Variants in SCHIP1 observed in about 807,000 individuals in gnomAD.
SCHIP1 encodes the protein schwannomin interacting protein 1.
Under a neutral mutation model 29.7 loss-of-function variants are expected in SCHIP1, and 8 were observed. That is an observed-to-expected ratio of 0.27 (90% CI 0.16 to 0.49). SCHIP1 has a LOEUF of 0.49. SCHIP1 is among the 20% of genes least tolerant of loss of function. The probability of loss-of-function intolerance (pLI) is 0.99; values close to 1 mark genes in which losing one functional copy is unlikely to be tolerated. For missense variants in SCHIP1, 193 were observed against 294.6 expected, an observed-to-expected ratio of 0.66 and a Z score of 2.52; for synonymous variants, 76 against 94.9, an observed-to-expected ratio of 0.80 and a Z score of 1.16.
the SCHIP1 span, among the ~76,000 whole-genome samples, chr3:159,715,389 C>T: frequency 0.015 from 2,238 of 152,170 alleles, 22 homozygotes; most frequent in South Asian, 0.042. Context: ...CAAAGCTGGA[C>T]GGAGAATGAC....
At chr3:159,422,866 G>T in the SCHIP1 span, among the ~76,000 whole-genome samples, 3 of 152,170 alleles carry the variant, frequency 2.0e-5, no homozygotes, top group African/African-American at 7.2e-5. Context: ...CATTTGGGCA[G>T]TTTCTAGTGA....
At chr3:159,840,557 T>C (rs1285937417) in intron 1 of SCHIP1, among the ~76,000 whole-genome samples, 1 of 152,238 alleles carries the variant, frequency 6.6e-6, no homozygotes, top group African/African-American at 2.4e-5. Flanking sequence ...TCGATAACAC[T>C]GAAAAACGTG....
At chr3:159,743,218 G>A in the SCHIP1 span, among the ~76,000 whole-genome samples, 1 of 152,234 alleles carries the variant, frequency 6.6e-6, no homozygotes, top group Admixed American at 6.5e-5. Flanking sequence ...GTTTTTCTGA[G>A]TCTGGATTAG....
chr3:159,446,020 G>GTAT, the SCHIP1 span, among the ~76,000 whole-genome samples: 1 of 131,034 alleles, frequency 7.6e-6, no homozygotes. Context: ...AAAACTTAAA[G>GTAT]TATAATAATA....
intron 1 of SCHIP1, among the ~76,000 whole-genome samples, chr3:159,859,759 C>G (rs905490621): frequency 6.6e-5 from 10 of 152,238 alleles, no homozygotes; most frequent in African/African-American, 2.4e-4. Flanking sequence ...CATCTAGCTA[C>G]TTGATCTTCT....
At chr3:159,512,094 A>T in the SCHIP1 span, among the ~76,000 whole-genome samples, 1 of 152,166 alleles carries the variant, frequency 6.6e-6, no homozygotes, top group East Asian at 1.9e-4. Context: ...CCAGAACATA[A>T]AAAGAACTCT....
At chr3:159,627,264 A>G in the SCHIP1 span, among the ~76,000 whole-genome samples, 2 of 152,218 alleles carry the variant, frequency 1.3e-5, no homozygotes, top group African/African-American at 4.8e-5. Flanking sequence ...CCACTATGGT[A>G]GCAGAGAATC....
chr3:159,629,149 A>G, the SCHIP1 span, among the ~76,000 whole-genome samples: 1 of 152,112 alleles, frequency 6.6e-6, no homozygotes, highest in South Asian at 2.1e-4. Context: ...AAAAACACAC[A>G]CACACACACA....
chr3:159,660,696 T>A, the SCHIP1 span, among the ~76,000 whole-genome samples: 2 of 152,222 alleles, frequency 1.3e-5, no homozygotes, highest in Admixed American at 6.5e-5. Context: ...TAGGGCAAGA[T>A]GAAATCTCAG....
the SCHIP1 span, among the ~76,000 whole-genome samples, chr3:159,784,700 C>G: frequency 6.6e-6 from 1 of 152,228 alleles, no homozygotes; most frequent in Non-Finnish European, 1.5e-5. Flanking sequence ...GACGCCCAGG[C>G]TGGAGTGCAG....
At chr3:159,273,955 A>C in the SCHIP1 span, 1 of 1,568,066 alleles carries the variant, frequency 6.4e-7, no homozygotes, top group Non-Finnish European at 8.6e-7. Context: ...GAAAACTTCA[A>C]AGTCGAACTA....
At chr3:159,466,422 A>G in the SCHIP1 span, among the ~76,000 whole-genome samples, 1 of 152,134 alleles carries the variant, frequency 6.6e-6, no homozygotes, top group African/African-American at 2.4e-5. Flanking sequence ...TTGGTTTCCG[A>G]ATGTGTACAA....
chr3:159,871,132 T>A (rs1216889486), intron 2 of SCHIP1, among the ~76,000 whole-genome samples: 1 of 152,124 alleles, frequency 6.6e-6, no homozygotes, highest in Non-Finnish European at 1.5e-5. Flanking sequence ...TGTTTTCCTG[T>A]CCATCATGAC....
intron 1 of SCHIP1, among the ~76,000 whole-genome samples, chr3:159,859,397 A>G (rs1350872714): frequency 6.6e-6 from 1 of 152,172 alleles, no homozygotes; most frequent in Non-Finnish European, 1.5e-5. Flanking sequence ...AGAGCTTCAG[A>G]CTCCTCACAC....
At chr3:159,284,162 G>A in the SCHIP1 span, among the ~76,000 whole-genome samples, 1 of 151,942 alleles carries the variant, frequency 6.6e-6, no homozygotes. Flanking sequence ...TGATAAAACC[G>A]TACAGCCACA....
chr3:159,587,469 A>ATTTT, the SCHIP1 span, among the ~76,000 whole-genome samples: 39 of 151,952 alleles, frequency 2.6e-4, no homozygotes, highest in African/African-American at 8.7e-4. Flanking sequence ...TGAATACATA[A>ATTTT]CTTTTTTATT....
chr3:159,818,370 T>C, the SCHIP1 span, among the ~76,000 whole-genome samples: 1,003 of 152,288 alleles, frequency 6.6e-3, 15 homozygotes, highest in African/African-American at 0.023. Flanking sequence ...GCAGGCAAAG[T>C]GCAGCATTGA....
At chr3:159,614,741 T>G in the SCHIP1 span, among the ~76,000 whole-genome samples, 3 of 152,254 alleles carry the variant, frequency 2.0e-5, no homozygotes. Context: ...AAAATAACTT[T>G]GATTTCTGTT....
intron 1 of SCHIP1, among the ~76,000 whole-genome samples, chr3:159,846,855 T>C (rs929552242): frequency 6.7e-6 from 1 of 149,998 alleles, no homozygotes; most frequent in East Asian, 1.9e-4. Flanking sequence ...AATAAAAAAA[T>C]TTTGGAGATA....
Sources: gnomAD v4.1 joint callset for allele counts (sites outside exome capture counted in the v4.1 genomes callset) on GRCh38, gnomAD v4.1.1 for gene constraint, MANE v1.5 for transcripts, NCBI Gene and HGNC (gene_info 2026-07-23, HGNC 2026-07-21) for gene names.